The following NDST4 variants were observed in gnomAD, a reference collection of about 807,000 sequenced individuals.
NDST4 encodes the protein N-deacetylase and N-sulfotransferase 4.
Under a neutral mutation model 100.8 loss-of-function variants are expected in NDST4, and 63 were observed. The observed-to-expected ratio is 0.62, with a 90% CI of 0.51 to 0.77. The LOEUF (loss-of-function observed/expected upper bound fraction) is 0.77, where lower values mean the gene tolerates loss of function less well. Ranked by LOEUF, NDST4 falls within the 30% of genes least tolerant of loss-of-function variation. The pLI, the probability that NDST4 is intolerant of heterozygous loss-of-function variation, is 0.00. For synonymous variants in NDST4, 377 were observed against 361.8 expected (o/e 1.04, Z -0.48); for missense variants, 943 against 1,018.4 (o/e 0.93, Z 1.01).
At chr4:114,866,436 A>G (rs1724027455) in intron 7 of NDST4, among the ~76,000 whole-genome samples, 1 of 152,164 alleles carries the variant, frequency 6.6e-6, no homozygotes, top group Admixed American at 6.5e-5. Flanking sequence ...GCAGCATTCA[A>G]AGCTTCCCGC....
chr4:114,941,622 T>C (rs968157961), intron 4 of NDST4, among the ~76,000 whole-genome samples: 4 of 152,132 alleles, frequency 2.6e-5, no homozygotes, highest in Non-Finnish European at 5.9e-5. Context: ...TTCTTGCAAA[T>C]AAGCAAGTTT....
At chr4:114,879,618 G>A (rs900996819) in intron 6 of NDST4, among the ~76,000 whole-genome samples, 8 of 152,094 alleles carry the variant, frequency 5.3e-5, no homozygotes, top group African/African-American at 1.9e-4. Context: ...TGGTGCTGTT[G>A]TTTACTGCTG....
At chr4:115,096,491 G>A (rs1304063838) in intron 1 of NDST4, among the ~76,000 whole-genome samples, 3 of 151,910 alleles carry the variant, frequency 2.0e-5, no homozygotes, top group Admixed American at 6.6e-5. Flanking sequence ...GAGCACAGTA[G>A]CAAGCAGACA....
chr4:114,910,143 A>T (rs1274088011), intron 6 of NDST4, among the ~76,000 whole-genome samples: 1 of 152,160 alleles, frequency 6.6e-6, no homozygotes, highest in Non-Finnish European at 1.5e-5. Context: ...CACAGGTTGG[A>T]TTCTGTCTCA....
At chr4:115,002,735 C>T (rs1344990635) in intron 2 of NDST4, among the ~76,000 whole-genome samples, 1 of 152,064 alleles carries the variant, frequency 6.6e-6, no homozygotes, top group East Asian at 1.9e-4. Context: ...TAGGTATATA[C>T]CCAAAGGATT....
intron 2 of NDST4, among the ~76,000 whole-genome samples, chr4:115,049,829 T>C (rs553733092): frequency 6.6e-6 from 1 of 152,280 alleles, no homozygotes; most frequent in East Asian, 1.9e-4. Context: ...ATTCAGGTTA[T>C]GTAAAACATA....
chr4:114,918,189 T>C (rs1438467625), intron 6 of NDST4, among the ~76,000 whole-genome samples: 1 of 151,892 alleles, frequency 6.6e-6, no homozygotes, highest in African/African-American at 2.4e-5. Context: ...TTATTAAAAA[T>C]GTTAAAATAT....
At chr4:115,101,948 AT>A in intron 1 of NDST4, among the ~76,000 whole-genome samples, 1 of 152,090 alleles carries the variant, frequency 6.6e-6, no homozygotes, top group Non-Finnish European at 1.5e-5. Context: ...GAGGATTTAG[AT>A]TTTGAGGAGA....
chr4:115,057,835 C>T (rs557173), intron 2 of NDST4, among the ~76,000 whole-genome samples: 113,449 of 151,956 alleles, frequency 0.75, 43,562 homozygotes, highest in African/African-American at 0.93. Flanking sequence ...AAATCATATT[C>T]ATTTTTGAAT....
chr4:115,019,614 A>C (rs1470549536), intron 2 of NDST4, among the ~76,000 whole-genome samples: 1 of 152,078 alleles, frequency 6.6e-6, no homozygotes, highest in Non-Finnish European at 1.5e-5. Context: ...TAAAATGTAA[A>C]AGTTTTATAA....
At chr4:115,075,678 G>A (rs510247) in intron 2 of NDST4, among the ~76,000 whole-genome samples, 7 of 151,204 alleles carry the variant, frequency 4.6e-5, no homozygotes, top group African/African-American at 1.5e-4. Flanking sequence ...CCAGCTACTC[G>A]GGAGGCTGAG....
chr4:114,886,128 T>C (rs1724471977), intron 6 of NDST4, among the ~76,000 whole-genome samples: 1 of 152,106 alleles, frequency 6.6e-6, no homozygotes, highest in African/African-American at 2.4e-5. Flanking sequence ...TTTTCTAATA[T>C]ATTTATAATT....
At chr4:115,023,246 G>T (rs1470582340) in intron 2 of NDST4, among the ~76,000 whole-genome samples, 1 of 152,106 alleles carries the variant, frequency 6.6e-6, no homozygotes, top group Admixed American at 6.5e-5. Context: ...AGCACTTTGG[G>T]AGGCCAAGGC....
intron 6 of NDST4, among the ~76,000 whole-genome samples, chr4:114,921,902 C>T (rs1382968033): frequency 6.6e-6 from 1 of 151,660 alleles, no homozygotes; most frequent in East Asian, 1.9e-4. Context: ...CATTTTCTTC[C>T]TTTTCTCTCC....
At chr4:114,921,714 G>A (rs1185639174) in intron 6 of NDST4, among the ~76,000 whole-genome samples, 1 of 151,966 alleles carries the variant, frequency 6.6e-6, no homozygotes, top group Non-Finnish European at 1.5e-5. Flanking sequence ...TAGTAAACTA[G>A]AAAAAATAAA....
chr4:114,969,714 A>G (rs1726466641), intron 4 of NDST4, among the ~76,000 whole-genome samples: 1 of 152,040 alleles, frequency 6.6e-6, no homozygotes, highest in Non-Finnish European at 1.5e-5. Context: ...TATCCAATCT[A>G]CTGTTGATAG....
intron 7 of NDST4, among the ~76,000 whole-genome samples, chr4:114,854,154 CATT>C (rs1486120542): frequency 6.6e-6 from 1 of 152,168 alleles, no homozygotes; most frequent in Non-Finnish European, 1.5e-5. Context: ...ATCATTGTAT[CATT>C]ATATGCTCTA....
At chr4:114,915,037 ACAAGAAGAAAAAAT>A (rs1441503471) in intron 6 of NDST4, among the ~76,000 whole-genome samples, 9 of 152,164 alleles carry the variant, frequency 5.9e-5, no homozygotes, top group African/African-American at 1.9e-4. Context: ...ATGAATTAAA[ACAAGAAGAAAAAAT>A]TAAATACAGC....
chr4:114,837,665 CAAAA>C (rs1414978409), intron 11 of NDST4, among the ~76,000 whole-genome samples: 1 of 152,150 alleles, frequency 6.6e-6, no homozygotes, highest in Non-Finnish European at 1.5e-5. Flanking sequence ...ACACTTTATA[CAAAA>C]GTTAACTCAA....
Sources: gnomAD v4.1 joint callset for allele counts (sites outside exome capture counted in the v4.1 genomes callset) on GRCh38, gnomAD v4.1.1 for gene constraint, MANE v1.5 for transcripts, NCBI Gene and HGNC (gene_info 2026-07-23, HGNC 2026-07-21) for gene names.